The following ZNF365 variants were observed in gnomAD, a reference collection of about 807,000 sequenced individuals.
ZNF365 encodes protein ZNF365.
Under a neutral mutation model 35.0 loss-of-function variants are expected in ZNF365, and 22 were observed. The ratio of observed to expected loss-of-function variants is 0.63; its 90% CI spans 0.45 to 0.90. ZNF365 has a LOEUF of 0.90. Among genes scored for constraint, ZNF365 ranks in the 40% least tolerant of loss-of-function variants. ZNF365 has a pLI of 0.00. For missense variants in ZNF365, 448 were observed against 500.3 expected (o/e 0.90, Z 1.00); for synonymous variants, 188 against 196.2 (o/e 0.96, Z 0.35).
At chr10:62,387,755 T>C (rs1471757095) in intron 2 of ZNF365, among the ~76,000 whole-genome samples, 2 of 152,232 alleles carry the variant, frequency 1.3e-5, no homozygotes, top group African/African-American at 4.8e-5. Context: ...GATGACTCAT[T>C]TGATGTGCTG....
chr10:62,377,882 G>A (rs761190865), intron 2 of ZNF365, among the ~76,000 whole-genome samples: 14 of 152,168 alleles, frequency 9.2e-5, no homozygotes, highest in Non-Finnish European at 1.3e-4. Context: ...TATAGAGATT[G>A]ATTTAATTTC....
In ZNF365 at chr10:62,452,639, T is replaced by C. The variant is rs550054967; in HGVS notation, c.925-7102T>C. On this transcript the variant is annotated intron_variant, in intron 3 of 4. Transcript: ENST00000395255. ...CTATATTAAAAACCCCAACATCTTA[T>C]GGAGAAGAAGGCAGTTTTGGCCTGA... 3.7e-4 allele frequency among the ~76,000 whole-genome samples: 56 copies of C among 152,372 alleles called. No homozygotes were observed. In the South Asian group the frequency reaches 0.011, roughly 30 times the overall value.
chr10:62,439,246 G>T lies in ZNF365; in HGVS notation c.925-20495G>T, dbSNP rs116263158. Among the ~76,000 whole-genome samples, 979 of 151,390 alleles carry T rather than the reference G, an allele frequency of 6.5e-3. 6 individuals are homozygous for T. The highest frequency in any genetic ancestry group is 0.016 in the South Asian group (75 of 4,736). On this transcript the variant is annotated intron_variant, in intron 3 of 4. Coordinates refer to the ZNF365 transcript ENST00000395255. ...AATGGGTCTATTCTTTCTCTTCTCG[G>T]TCTCTGTCTTCCTCTCTCTCTTTAC...
chr10:62,381,907 G>A (rs10995136), intron 2 of ZNF365, among the ~76,000 whole-genome samples: 75,715 of 152,054 alleles, frequency 0.5, 22,368 homozygotes, highest in East Asian at 0.78. Flanking sequence ...CTAAAGCCAT[G>A]CAGAAGACAA....
intron 4 of ZNF365, among the ~76,000 whole-genome samples, chr10:62,472,275 T>C (rs1841054294): frequency 6.6e-6 from 1 of 152,234 alleles, no homozygotes; most frequent in Admixed American, 6.5e-5. Flanking sequence ...CTCCTGTCAA[T>C]ACTGTGTTGA....
At position 62,376,616 on chromosome 10, in the gene ZNF365, G is replaced by A; in HGVS notation, c.423G>A (p.Gly141=). The A allele has an allele frequency of 6.2e-7, 1 of 1,614,170 alleles. No homozygotes were observed. Among genetic ancestry groups the A allele is most frequent in the East Asian group, 2.2e-5 (1 of 44,890 alleles). The change falls in exon 2 of 5, where the codon GGG becomes GGA. Residue 141 remains glycine (G), a synonymous_variant. Transcript: ENST00000395254. Reference sequence around the variant, plus strand: ...ACCTCCATGCAGACTCGCTGGATGGGACACGGTCGGGTCCTGGACTGCCCA... The same window carrying A: ...ACCTCCATGCAGACTCGCTGGATGGAACACGGTCGGGTCCTGGACTGCCCA... The part of the protein sequence containing the change: ...AMDLHADSLD[G]TRSGPGLPTS...
At chr10:62,440,078 G>C (rs1840471544) in intron 3 of ZNF365, among the ~76,000 whole-genome samples, 1 of 152,096 alleles carries the variant, frequency 6.6e-6, no homozygotes, top group Non-Finnish European at 1.5e-5. Context: ...TTTGCCTATG[G>C]AGTCTGTTAT....
intron 4 of ZNF365, chr10:62,459,819 G>A (rs747380391): frequency 6.8e-5 from 108 of 1,595,044 alleles, no homozygotes; most frequent in Non-Finnish European, 8.7e-5. Flanking sequence ...ACCTGGGTGG[G>A]TGGGTTGGGC....
intron 3 of ZNF365, among the ~76,000 whole-genome samples, chr10:62,427,405 C>T (rs1840267299): frequency 1.3e-5 from 2 of 152,172 alleles, no homozygotes; most frequent in Admixed American, 1.3e-4. Context: ...GGCTATACCA[C>T]ATACCCTAGG....
downstream of ZNF365, among the ~76,000 whole-genome samples, chr10:62,405,877 A>C (rs1839897323): frequency 6.6e-6 from 1 of 152,230 alleles, no homozygotes; most frequent in Non-Finnish European, 1.5e-5. Context: ...TATTTGTTCA[A>C]GGGTGAACCC....
intron 3 of ZNF365, among the ~76,000 whole-genome samples, chr10:62,416,460 G>A (rs1485095316): frequency 3.3e-5 from 5 of 152,068 alleles, no homozygotes; most frequent in Non-Finnish European, 4.4e-5. Context: ...AAAACCAAAT[G>A]TCTGATATCT....
At chr10:62,433,494 A>G (rs1840362768) in intron 3 of ZNF365, among the ~76,000 whole-genome samples, 1 of 152,214 alleles carries the variant, frequency 6.6e-6, no homozygotes. Context: ...GGACTGCATT[A>G]GTGAAAACAG....
Position 62,376,558 on chromosome 10 carries a change from C to T in ZNF365, c.365C>T (p.Pro122Leu), listed in dbSNP as rs143972122. The T allele has an allele frequency of 6.2e-7, 1 of 1,613,930 alleles. No individual in the cohort carries two copies. The highest frequency in any genetic ancestry group is 8.5e-7 in the Non-Finnish European group (1 of 1,180,004). ...RKPFEVVAER[P>L]VSYVQTYTAM... ...CCATTTGAGGTGGTGGCAGAGAGGCCTGTGTCCTATGTGCAGACCTACACT... is the reference window on the plus strand; with the variant it reads ...CCATTTGAGGTGGTGGCAGAGAGGCTTGTGTCCTATGTGCAGACCTACACT... The change falls in exon 2 of 5, where the codon CCT becomes CTT. Residue 122 changes from proline (P) to leucine (L), a missense_variant. Pro to Leu is a moderately conservative substitution (Grantham distance 98, BLOSUM62 -3). This residue lies in a region of ZNF365 where 362 missense variants were observed against 375.7 expected (regional missense o/e 0.96). Coordinates refer to ENST00000395254, the MANE Select transcript of ZNF365 (RefSeq NM_014951.3).
At chr10:62,416,053 C>T (rs1465753764) in intron 3 of ZNF365, among the ~76,000 whole-genome samples, 5 of 152,104 alleles carry the variant, frequency 3.3e-5, no homozygotes, top group African/African-American at 1.2e-4. Flanking sequence ...CTGGATGTTC[C>T]TATCTTGCTT....
chr10:62,453,558 G>T (rs367795750), intron 3 of ZNF365, among the ~76,000 whole-genome samples: 9 of 152,112 alleles, frequency 5.9e-5, no homozygotes, highest in Non-Finnish European at 1.2e-4. Context: ...GATTAATTCC[G>T]TATCTTTGCT....
In ZNF365 at chr10:62,399,665, C is replaced by T; in HGVS notation, c.1100C>T (p.Ala367Val). Residue 367 changes from alanine (A) to valine (V), a missense_variant, in exon 5 of 5, where the codon GCT becomes GTT. Transcript: ENST00000395254. The part of the protein sequence containing the change: ...MQPAKAIHEQ[A>V]ESSRDLCRPP... ...CCTGCCAAGGCCATTCACGAACAGG[C>T]TGAGTCCTCAAGAGACCTCTGCAGA... 1 of 1,614,146 alleles carries T rather than the reference C, an allele frequency of 6.2e-7. No individual in the cohort carries two copies. Among genetic ancestry groups the T allele is most frequent in the Non-Finnish European group, 8.5e-7 (1 of 1,180,042 alleles).
At chr10:62,440,911 C>T (rs1840489796) in intron 3 of ZNF365, among the ~76,000 whole-genome samples, 1 of 152,104 alleles carries the variant, frequency 6.6e-6, no homozygotes, top group Non-Finnish European at 1.5e-5. Flanking sequence ...AAAGTCATTC[C>T]TTTAAAACCT....
At chr10:62,422,254 G>A (rs1474458770) in intron 3 of ZNF365, among the ~76,000 whole-genome samples, 2 of 152,280 alleles carry the variant, frequency 1.3e-5, no homozygotes, top group Admixed American at 1.3e-4. Context: ...GAAACTTCTA[G>A]GGTTGGGTAG....
chr10:62,389,314 G>A (rs190098387), intron 3 of ZNF365, among the ~76,000 whole-genome samples: 6 of 151,922 alleles, frequency 3.9e-5, no homozygotes, highest in African/African-American at 1.2e-4. Context: ...CCCTGTCTAC[G>A]GTTTCCTACA....
Sources: allele counts gnomAD v4.1 joint callset (sites outside exome capture counted in the v4.1 genomes callset), GRCh38; gene constraint gnomAD v4.1.1; regional missense constraint gnomAD v4.1.1; transcripts MANE v1.5; gene names NCBI Gene and HGNC (gene_info 2026-07-23, HGNC 2026-07-21).